Variants in SLC35F1 observed in about 807,000 individuals in gnomAD.
The protein encoded by SLC35F1 is solute carrier family 35 member F1.
SLC35F1 carries 14 observed loss-of-function variants against 48.7 expected under a neutral mutation model. That is an observed-to-expected ratio of 0.29 (90% CI 0.19 to 0.45). SLC35F1 has a LOEUF of 0.45. Ranked by LOEUF, SLC35F1 falls within the 20% of genes least tolerant of loss-of-function variation. The pLI is 1.00. For missense variants in SLC35F1, 404 were observed against 500.0 expected, an observed-to-expected ratio of 0.81 and a Z score of 1.83; for synonymous variants, 190 against 202.2, an observed-to-expected ratio of 0.94 and a Z score of 0.51.
intron 1 of SLC35F1, among the ~76,000 whole-genome samples, chr6:117,981,794 C>A (rs1261286992): frequency 6.6e-6 from 1 of 152,052 alleles, no homozygotes; most frequent in Non-Finnish European, 1.5e-5. Flanking sequence ...TTTGTATATT[C>A]ATACCACAAC....
At chr6:118,097,494 G>A (rs1288812376) in intron 1 of SLC35F1, among the ~76,000 whole-genome samples, 2 of 152,122 alleles carry the variant, frequency 1.3e-5, no homozygotes, top group Non-Finnish European at 2.9e-5. Context: ...ACTTGGGGGT[G>A]TGCATTTATC....
At chr6:118,290,180 A>C (rs1273159165) in intron 7 of SLC35F1, among the ~76,000 whole-genome samples, 2 of 152,042 alleles carry the variant, frequency 1.3e-5, no homozygotes, top group Non-Finnish European at 2.9e-5. Flanking sequence ...TTAGCTTCTA[A>C]GTTTTTGTTC....
chr6:117,950,728 A>G (rs1461030795), intron 1 of SLC35F1, among the ~76,000 whole-genome samples: 1 of 152,226 alleles, frequency 6.6e-6, no homozygotes, highest in Non-Finnish European at 1.5e-5. Flanking sequence ...CATCTGAAAT[A>G]ACGTTTACAA....
chr6:118,242,921 T>TC, intron 3 of SLC35F1, among the ~76,000 whole-genome samples: 1 of 152,210 alleles, frequency 6.6e-6, no homozygotes, highest in African/African-American at 2.4e-5. Flanking sequence ...ACAGTGCATA[T>TC]TTCACAGCTC....
intron 2 of SLC35F1, among the ~76,000 whole-genome samples, chr6:118,233,409 A>G (rs1247010628): frequency 6.6e-6 from 1 of 152,234 alleles, no homozygotes; most frequent in Non-Finnish European, 1.5e-5. Context: ...AAAGACTGCC[A>G]AAATGATCTG....
intron 3 of SLC35F1, among the ~76,000 whole-genome samples, chr6:118,263,890 G>A (rs1210452699): frequency 6.6e-6 from 1 of 152,214 alleles, no homozygotes; most frequent in Non-Finnish European, 1.5e-5. Context: ...AAGAGCAGCT[G>A]CCAAACAGTT....
chr6:117,907,498 G>GGAGCCTGTCCGCCTCCT lies in SLC35F1; in HGVS notation c.-229_-228insGAGCCTGTCCGCCTCCT. On this transcript the variant is annotated 5_prime_UTR_variant, in exon 1 of 8. Transcript: ENST00000360388. Reference sequence around the variant, plus strand: ...AGAGCCGGGGCGGGCGGCGGCGGCGGCGGCACGGGCGCGAGGGTGCGCGCA... The same window carrying GGAGCCTGTCCGCCTCCT: ...AGAGCCGGGGCGGGCGGCGGCGGCGGGAGCCTGTCCGCCTCCTCGGCACGGGCGCGAGGGTGCGCGCA... 1 of 286,798 alleles carries GGAGCCTGTCCGCCTCCT rather than the reference G, an allele frequency of 3.5e-6. No individual in the cohort carries two copies. The highest frequency in any genetic ancestry group is 6.4e-6 in the Non-Finnish European group (1 of 156,944). 17.8% of individuals were successfully genotyped at this position (286,798 alleles called of 1,614,324 possible).
intron 1 of SLC35F1, among the ~76,000 whole-genome samples, chr6:118,077,860 C>T (rs535586732): frequency 6.3e-4 from 96 of 152,326 alleles, no homozygotes; most frequent in South Asian, 1.2e-3. Flanking sequence ...TTGCATCCAA[C>T]CATAAATGTA....
At chr6:118,207,513 T>C (rs1774951339) in intron 2 of SLC35F1, among the ~76,000 whole-genome samples, 1 of 152,156 alleles carries the variant, frequency 6.6e-6, no homozygotes, top group Non-Finnish European at 1.5e-5. Flanking sequence ...ACATGTGAAA[T>C]AGACTGTTGT....
chr6:118,023,650 C>G (rs1752833703), intron 1 of SLC35F1, among the ~76,000 whole-genome samples: 1 of 152,140 alleles, frequency 6.6e-6, no homozygotes, highest in Non-Finnish European at 1.5e-5. Context: ...ACTGATGTCT[C>G]TGGCCTCAAG....
At chr6:118,237,378 G>A (rs1038563589) in intron 3 of SLC35F1, among the ~76,000 whole-genome samples, 1 of 151,702 alleles carries the variant, frequency 6.6e-6, no homozygotes, top group African/African-American at 2.4e-5. Context: ...AAATTCCAGA[G>A]GGAGAATAAT....
chr6:118,224,513 G>A (rs1775190042), intron 2 of SLC35F1, among the ~76,000 whole-genome samples: 1 of 152,048 alleles, frequency 6.6e-6, no homozygotes, highest in South Asian at 2.1e-4. Context: ...TCCCACCTGA[G>A]CCTCCTGAGT....
chr6:118,042,600 T>C (rs1772241159), intron 1 of SLC35F1, among the ~76,000 whole-genome samples: 1 of 152,154 alleles, frequency 6.6e-6, no homozygotes, highest in African/African-American at 2.4e-5. Flanking sequence ...GCCAAGGAGT[T>C]TGGACTTGAT....
At chr6:117,989,508 T>A (rs1297804604) in intron 1 of SLC35F1, among the ~76,000 whole-genome samples, 1 of 152,204 alleles carries the variant, frequency 6.6e-6, no homozygotes, top group Non-Finnish European at 1.5e-5. Context: ...CAGCTTTATC[T>A]CAAACATTTA....
chr6:117,929,697 A>T (rs1017089307), intron 1 of SLC35F1, among the ~76,000 whole-genome samples: 3 of 151,986 alleles, frequency 2.0e-5, no homozygotes, highest in African/African-American at 7.2e-5. Flanking sequence ...ATTGGATGAG[A>T]CCCACCCATA....
In SLC35F1 at chr6:118,237,324, A is replaced by AAC. The variant is rs67116512; in HGVS notation, c.477+1720_477+1721dup. ...CGCAAGACCTCATGAATTCTAAGAA[A>AAC]ACACACACACACACACACACACACA... On this transcript the variant is annotated intron_variant, in intron 3 of 7. Coordinates refer to ENST00000360388, the MANE Select transcript of SLC35F1 (RefSeq NM_001029858.4). 3.8e-3 allele frequency among the ~76,000 whole-genome samples: 569 copies of AAC among 149,718 alleles called. 2 individuals are homozygous for AAC. The highest frequency in any genetic ancestry group is 6.0e-3 in the Non-Finnish European group (405 of 67,128).
intron 7 of SLC35F1, among the ~76,000 whole-genome samples, chr6:118,301,003 A>G (rs1776249448): frequency 6.6e-6 from 1 of 152,104 alleles, no homozygotes; most frequent in Admixed American, 6.6e-5. Flanking sequence ...TTCCGTAGTT[A>G]TGAATTGTAC....
intron 1 of SLC35F1, among the ~76,000 whole-genome samples, chr6:118,124,005 C>A (rs1463051311): frequency 6.6e-6 from 1 of 152,040 alleles, no homozygotes; most frequent in Non-Finnish European, 1.5e-5. Context: ...CAGCAGACAC[C>A]CAAATCACAG....
chr6:118,034,033 T>G (rs1230146214), intron 1 of SLC35F1, among the ~76,000 whole-genome samples: 1 of 152,230 alleles, frequency 6.6e-6, no homozygotes, highest in Non-Finnish European at 1.5e-5. Context: ...GATGTACTAC[T>G]GTCAGAATAT....
Sources: allele counts gnomAD v4.1 joint callset (sites outside exome capture counted in the v4.1 genomes callset), GRCh38; gene constraint gnomAD v4.1.1; transcripts MANE v1.5; gene names NCBI Gene and HGNC (gene_info 2026-07-23, HGNC 2026-07-21).